The following ATAD3B variants were observed in gnomAD, a reference collection of about 807,000 sequenced individuals.
ATAD3B encodes the protein ATPase family AAA domain-containing protein 3B.
In ATAD3B, 59 loss-of-function variants were observed where a neutral mutation model predicts 70.2. That is an observed-to-expected ratio of 0.84 (90% CI 0.68 to 1.04). ATAD3B has a LOEUF of 1.04. ATAD3B is among the 50% of genes least tolerant of loss of function. The pLI, the probability that ATAD3B is intolerant of heterozygous loss-of-function variation, is 0.00. For synonymous variants in ATAD3B, 423 were observed against 388.6 expected (o/e 1.09, Z -1.04); for missense variants, 961 against 913.4 (o/e 1.05, Z -0.67).
intron 9 of ATAD3B, 53 bp from the exon 10 acceptor site, chr1:1,486,057 G>A (rs888284633): frequency 3.7e-6 from 6 of 1,611,252 alleles, no homozygotes; most frequent in South Asian, 1.1e-5. Flanking sequence ...CCCTGTCACC[G>A]AGGCTTCCGT....
chr1:1,475,924 C>T (rs1164512664), intron 1 of ATAD3B, among the ~76,000 whole-genome samples: 1 of 150,286 alleles, frequency 6.7e-6, no homozygotes, highest in Non-Finnish European at 1.5e-5. Flanking sequence ...AAGGTCCCCT[C>T]GGGAGGAAAC....
chr1:1,489,456 CA>C, intron 13 of ATAD3B, 182 bp downstream of exon 13: 2 of 1,181,356 alleles, frequency 1.7e-6, no homozygotes, highest in South Asian at 1.5e-5. Context: ...GAGGAACATG[CA>C]GGGGCCTCCC....
At chr1:1,489,072 T>G in intron 12 of ATAD3B, 132 bp from the exon 13 acceptor site, 3 of 1,483,372 alleles carry the variant, frequency 2.0e-6, no homozygotes, top group East Asian at 2.3e-5. Context: ...CTGGTCAGGA[T>G]TTTGAGTTTA....
At chr1:1,472,628 AACCCCTG>A (rs1341533757) in intron 1 of ATAD3B, among the ~76,000 whole-genome samples, 2 of 152,016 alleles carry the variant, frequency 1.3e-5, no homozygotes, top group African/African-American at 4.8e-5. Context: ...AGCTTGAGTA[AACCCCTG>A]ACCCAAGGCC....
At position 1,490,647 on chromosome 1, in the gene ATAD3B, C is replaced by T. The variant is rs376557599; in HGVS notation, c.1590C>T (p.Ile530=). Residue 530 remains isoleucine, a synonymous_variant, in exon 15 of 16, where the codon ATC becomes ATT. Coordinates refer to ENST00000673477, the MANE Select transcript of ATAD3B (RefSeq NM_031921.6). Reference sequence around the variant, plus strand: ...CGGAGGGCATGTCGGGCCGGGAGATCGCTCAGCTGGCCGTGTCCTGGCAGG... The same window carrying T: ...CGGAGGGCATGTCGGGCCGGGAGATTGCTCAGCTGGCCGTGTCCTGGCAGG... The part of the protein sequence containing the change: ...RLTEGMSGRE[I]AQLAVSWQAT... The T allele has an allele frequency of 1.4e-5, 22 of 1,600,374 alleles. No homozygotes were observed. The highest frequency in any genetic ancestry group is 7.9e-5 in the South Asian group (7 of 89,154).
At position 1,487,708 on chromosome 1, in the gene ATAD3B, G is replaced by A. The variant is rs547187655; in HGVS notation, c.1215-155G>A. Among the ~76,000 whole-genome samples, 47 of 151,996 alleles carry A rather than the reference G, an allele frequency of 3.1e-4. No individual in the cohort carries two copies. The Middle Eastern group carries it at 0.01, about 33-fold the overall frequency. On this transcript the variant is annotated intron_variant, in intron 11 of 15. Transcript: ENST00000673477. ...CAGCTGCCCAGAGGCCAGGCTGATC[G>A]GCTTCTGTCGAGTCCAGGACTTAGG...
intron 15 of ATAD3B, among the ~76,000 whole-genome samples, chr1:1,492,705 C>G (rs929657837): frequency 2.0e-5 from 3 of 151,374 alleles, no homozygotes; most frequent in Non-Finnish European, 4.4e-5. Context: ...TTTGGGAGGC[C>G]GAGGTGGGCG....
At chr1:1,476,042 G>A (rs1450943046) in intron 1 of ATAD3B, among the ~76,000 whole-genome samples, 9 of 145,032 alleles carry the variant, frequency 6.2e-5, no homozygotes, top group African/African-American at 2.2e-4. Context: ...GAGAGTGGTT[G>A]AGAGCCCGGG....
chr1:1,504,953 C>T, the ATAD3B span, among the ~76,000 whole-genome samples: 7 of 152,100 alleles, frequency 4.6e-5, no homozygotes, highest in South Asian at 2.1e-4. Flanking sequence ...TGTGTGTGCG[C>T]GCCAGGCACA....
chr1:1,490,363 G>T lies in ATAD3B; in HGVS notation c.1444G>T (p.Glu482Ter), dbSNP rs766020883. ...CGACCTGCCGCAGCAGGAGGAGCGG[G>T]AGCGCCTGGTGAGACTGCATTTTGA... ...HFDLPQQEER[E>*]RLVRLHFDNC... is the part of the protein sequence containing the mutation. Residue 482 changes from glutamate (E) to a stop codon, truncating the protein, a stop_gained, in exon 14 of 16, where the codon GAG becomes TAG. Coordinates refer to ENST00000673477, the MANE Select transcript of ATAD3B (RefSeq NM_031921.6). LOFTEE classifies it high-confidence loss of function. 2 of 1,613,472 alleles carry T rather than the reference G, an allele frequency of 1.2e-6. No individual in the cohort carries two copies. Among genetic ancestry groups the T allele is most frequent in the Non-Finnish European group, 1.7e-6 (2 of 1,179,670 alleles).
At chr1:1,478,436 C>T (rs1412563820) in intron 2 of ATAD3B, 1 of 1,525,126 alleles carries the variant, frequency 6.6e-7, no homozygotes, top group Non-Finnish European at 8.8e-7. Context: ...CCTTCGCAGG[C>T]TTCTCTGCTG....
rs1203322858 is a variant in ATAD3B, at chr1:1,496,930, G to T, written c.*1113G>T. The T allele has an allele frequency of 7.0e-6, 1 of 141,986 alleles. No individual in the cohort carries two copies. The highest frequency in any genetic ancestry group is 2.3e-4 in the South Asian group (1 of 4,394). 8.8% of individuals were successfully genotyped at this position (141,986 alleles called of 1,614,324 possible). ...CAGACAGGAAACCTTTGCTTTGGGG[G>T]CAGGGTGGGGTGCAGGGGTGGTTGG... On this transcript the variant is annotated 3_prime_UTR_variant, in exon 16 of 16. Transcript: ENST00000673477.
In ATAD3B at chr1:1,486,100, T is replaced by C. The variant is rs1424050875; in HGVS notation, c.964-10T>C. 1 of 1,612,618 alleles carries C rather than the reference T, an allele frequency of 6.2e-7. No homozygotes were observed. Among genetic ancestry groups the C allele is most frequent in the Admixed American group, 1.7e-5 (1 of 59,934 alleles). ...GAGTGTCTCCCCCAAACCCCCGTCT[T>C]CCCCGGCAGCCCAGCCTGGAAGCAC... On this transcript the variant is annotated splice_polypyrimidine_tract_variant and intron_variant, in intron 9 of 15. Coordinates refer to ENST00000673477, the MANE Select transcript of ATAD3B (RefSeq NM_031921.6).
the ATAD3B span, among the ~76,000 whole-genome samples, chr1:1,503,020 C>A: frequency 6.6e-6 from 1 of 150,776 alleles, no homozygotes; most frequent in Non-Finnish European, 1.5e-5. Context: ...GTCAGGAGAT[C>A]GAGACCATCC....
rs1198135537 is a variant in ATAD3B at position 1,482,182 on chromosome 1, C to T, written c.559C>T (p.Leu187=). 2 of 1,610,868 alleles carry T rather than the reference C, an allele frequency of 1.2e-6. No homozygotes were observed. Among genetic ancestry groups the T allele is most frequent in the African/African-American group, 1.3e-5 (1 of 74,982 alleles). Residue 187 remains leucine (L), a synonymous_variant, in exon 6 of 16, where the codon CTG becomes TTG. Coordinates refer to ENST00000673477, the MANE Select transcript of ATAD3B (RefSeq NM_031921.6). ...GGAGCTGCGGCACAAGAATGAGATGCTGCGAGTGGAGACCGAGGCCCGGGC... is the reference window on the plus strand; with the variant it reads ...GGAGCTGCGGCACAAGAATGAGATGTTGCGAGTGGAGACCGAGGCCCGGGC... ...EMELRHKNEM[L]RVETEARARA... is the part of the protein sequence containing the mutation.
chr1:1,494,051 C>G (rs762030840), intron 15 of ATAD3B, among the ~76,000 whole-genome samples: 6 of 151,972 alleles, frequency 3.9e-5, no homozygotes, highest in Non-Finnish European at 8.8e-5. Flanking sequence ...TCTCTTTGAC[C>G]TTTTATAGCT....
rs898665468 is a variant in ATAD3B, at chr1:1,485,238, C to T, written c.906+67C>T. On this transcript the variant is annotated intron_variant, in intron 8 of 15. Coordinates refer to ENST00000673477, the MANE Select transcript of ATAD3B (RefSeq NM_031921.6). ...CTGAGTCCCTTCTGCCCCACGAGCA[C>T]AGCCCACGCACACCCTCCCGTCCCT... 9.5e-6 allele frequency: 15 copies of T among 1,582,248 alleles called. No individual in the cohort carries two copies. In the Middle Eastern group the frequency reaches 9.1e-4, roughly 96 times the overall value.
At chr1:1,504,313 C>T in the ATAD3B span, among the ~76,000 whole-genome samples, 1 of 152,024 alleles carries the variant, frequency 6.6e-6, no homozygotes, top group Admixed American at 6.6e-5. Flanking sequence ...AGTTCACAGG[C>T]GGGGTTCACA....
the ATAD3B span, among the ~76,000 whole-genome samples, chr1:1,505,037 G>A: frequency 6.6e-6 from 1 of 152,174 alleles, no homozygotes; most frequent in Non-Finnish European, 1.5e-5. Context: ...TAGAAATAAA[G>A]ACACAAGACA....
Sources: gnomAD v4.1 joint callset for allele counts (sites outside exome capture counted in the v4.1 genomes callset) on GRCh38, gnomAD v4.1.1 for gene constraint, MANE v1.5 for transcripts, NCBI Gene and HGNC (gene_info 2026-07-23, HGNC 2026-07-21) for gene names.